The following BSDC1 variants were observed in gnomAD, a reference collection of about 807,000 sequenced individuals.
The protein encoded by BSDC1 is BSD domain-containing protein 1.
BSDC1 carries 29 observed loss-of-function variants against 56.0 expected under a neutral mutation model. That is an observed-to-expected ratio of 0.52 (90% CI 0.39 to 0.71). BSDC1 has a LOEUF of 0.71. Ranked by LOEUF, BSDC1 falls within the 30% of genes least tolerant of loss-of-function variation. BSDC1 has a pLI of 0.00. For synonymous variants in BSDC1, 210 were observed against 215.3 expected (o/e 0.98, Z 0.21); for missense variants, 477 against 548.5 (o/e 0.87, Z 1.30).
intron 4 of BSDC1, 48 bp downstream of exon 4, chr1:32,383,782 C>A: frequency 6.3e-7 from 1 of 1,582,702 alleles, no homozygotes; most frequent in Non-Finnish European, 8.7e-7. Context: ...AAGTTAAAGC[C>A]CAGGTTACAG....
chr1:32,389,717 C>T (rs1434335001), intron 2 of BSDC1, among the ~76,000 whole-genome samples: 3 of 151,826 alleles, frequency 2.0e-5, no homozygotes, highest in Admixed American at 2.0e-4. Context: ...CTTTGGGAAG[C>T]CGAGGCAGGA....
At chr1:32,366,956 C>T (rs1004445360) in intron 10 of BSDC1, 8 of 1,150,576 alleles carry the variant, frequency 7.0e-6, no homozygotes, top group Non-Finnish European at 5.3e-6. Context: ...AGCCTCAGTC[C>T]TTTAAGGAGA....
At chr1:32,377,836 C>T in intron 8 of BSDC1, 134 bp downstream of exon 8, 1 of 736,382 alleles carries the variant, frequency 1.4e-6, no homozygotes, top group Non-Finnish European at 2.1e-6. Flanking sequence ...CGCCTATCCT[C>T]ACACATACAA....
intron 9 of BSDC1, chr1:32,374,898 A>C (rs1642220677): frequency 1.3e-5 from 2 of 152,468 alleles, no homozygotes; most frequent in Non-Finnish European, 1.5e-5. Context: ...CACGCCTGTA[A>C]TCACAGCACT....
chr1:32,393,131 G>A (rs940072338), intron 2 of BSDC1, among the ~76,000 whole-genome samples: 2 of 152,170 alleles, frequency 1.3e-5, no homozygotes, highest in Non-Finnish European at 2.9e-5. Flanking sequence ...TCCTGGAGTT[G>A]GCCCTGAAGC....
chr1:32,375,399 ATG>A (rs2148118627), intron 9 of BSDC1, among the ~76,000 whole-genome samples: 1 of 134,132 alleles, frequency 7.5e-6, no homozygotes, highest in East Asian at 2.5e-4. Flanking sequence ...AGACAGGAGG[ATG>A]TGTGTGTGAA....
At chr1:32,373,734 C>T (rs1452884521) in intron 9 of BSDC1, among the ~76,000 whole-genome samples, 2 of 152,040 alleles carry the variant, frequency 1.3e-5, no homozygotes, top group Non-Finnish European at 2.9e-5. Flanking sequence ...AATGCCAGGG[C>T]TGGTCTTAAA....
In BSDC1 at chr1:32,378,934, A is replaced by C. The variant is rs987485877; in HGVS notation, c.413-95T>G. On this transcript the variant is annotated intron_variant, in intron 5 of 10. Coordinates refer to ENST00000455895, the MANE Select transcript of BSDC1 (RefSeq NM_018045.8). This position sits in a 1 kb window ranked among gnomAD's most constrained non-coding sequence, Gnocchi z 5.2. Reference sequence around the variant, plus strand: ...ATCTAAGGCTGGACATGGAAAATGAAGAAAGCTTGTGTATTCAAAGCCACT... The same window carrying C: ...ATCTAAGGCTGGACATGGAAAATGACGAAAGCTTGTGTATTCAAAGCCACT... 1.1e-6 allele frequency: 1 copy of C among 908,792 alleles called. No homozygotes were observed. Among genetic ancestry groups the C allele is most frequent in the Admixed American group, 3.9e-5 (1 of 25,950 alleles). The allele number at this position is 908,792 out of a possible 1,614,324, so 56.3% of individuals were successfully genotyped here.
chr1:32,379,582 T>C (rs1159629363), intron 5 of BSDC1, among the ~76,000 whole-genome samples: 2 of 152,168 alleles, frequency 1.3e-5, no homozygotes, highest in Non-Finnish European at 2.9e-5. Flanking sequence ...TGGATCACAC[T>C]TCCTCAGTGT....
At chr1:32,375,327 G>A (rs1252229031) in intron 9 of BSDC1, among the ~76,000 whole-genome samples, 1 of 151,994 alleles carries the variant, frequency 6.6e-6, no homozygotes, top group Non-Finnish European at 1.5e-5. Flanking sequence ...TACTACACCA[G>A]CAGGCCAGGC....
chr1:32,368,622 G>GGA (rs1217371457), intron 9 of BSDC1, 72 bp from the exon 10 acceptor site: 3 of 1,597,102 alleles, frequency 1.9e-6, no homozygotes, highest in Middle Eastern at 1.7e-4. Flanking sequence ...GTGTAGCTGG[G>GGA]GAGATAGCAT....
At chr1:32,368,836 C>T (rs537234665) in intron 9 of BSDC1, among the ~76,000 whole-genome samples, 1 of 152,042 alleles carries the variant, frequency 6.6e-6, no homozygotes, top group Admixed American at 6.6e-5. Context: ...GTAGCTGGGA[C>T]TACAGGCGCA....
At position 32,366,326 on chromosome 1, in the gene BSDC1, C is replaced by A; in HGVS notation, c.*296G>T. The A allele has an allele frequency of 1.7e-6, 1 of 605,666 alleles. No homozygotes were observed. Among genetic ancestry groups the A allele is most frequent in the East Asian group, 3.1e-5 (1 of 32,324 alleles). The allele number at this position is 605,666 out of a possible 1,614,324, so 37.5% of individuals were successfully genotyped here. A position where few individuals can be genotyped will look rare whatever the true frequency, so the allele number is the denominator to read the frequency against. The stretch of plus-strand genomic sequence containing the variant: ...ACTTCCCAGCAGGAGTCCTCAGGAA[C>A]AGTGGGTGTTCAGCAGAAAAACACA... On this transcript the variant is annotated 3_prime_UTR_variant, in exon 11 of 11. Transcript: ENST00000455895.
chr1:32,390,226 A>T (rs979375675), intron 2 of BSDC1, among the ~76,000 whole-genome samples: 7 of 152,184 alleles, frequency 4.6e-5, no homozygotes, highest in Non-Finnish European at 1.0e-4. Flanking sequence ...ACTGGAATGG[A>T]GGAAAGGTCC....
chr1:32,377,711 A>G (rs1044097799), intron 8 of BSDC1, among the ~76,000 whole-genome samples: 3 of 151,910 alleles, frequency 2.0e-5, no homozygotes, highest in East Asian at 3.9e-4. Context: ...CTCCCCAGTG[A>G]CTAAGCGGCA....
rs572855697 is a variant in BSDC1, at chr1:32,391,730, T to G, written c.72+2350A>C. Reference sequence around the variant, plus strand: ...CATAGCTGTGGTCTTCAGGGCAATGTGTTCTAAGGAGTGCTGAGAAGTGAG... The same window carrying G: ...CATAGCTGTGGTCTTCAGGGCAATGGGTTCTAAGGAGTGCTGAGAAGTGAG... On this transcript the variant is annotated intron_variant, in intron 2 of 10. Transcript: ENST00000455895. 1.1e-3 allele frequency among the ~76,000 whole-genome samples: 162 copies of G among 152,188 alleles called. 1 individual carries two copies. Among genetic ancestry groups the G allele is most frequent in the African/African-American group, 3.7e-3 (152 of 41,510 alleles).
intron 4 of BSDC1, 126 bp from the exon 5 acceptor site, chr1:32,381,394 G>T: frequency 1.1e-6 from 1 of 916,518 alleles, no homozygotes; most frequent in Non-Finnish European, 1.7e-6. Flanking sequence ...GATACCCCCA[G>T]GGCATCTGTT....
chr1:32,378,831 C>A lies in BSDC1; in HGVS notation c.421G>T (p.Glu141Ter). 1 of 1,519,192 alleles carries A rather than the reference C, an allele frequency of 6.6e-7. No individual in the cohort carries two copies. The highest frequency in any genetic ancestry group is 1.4e-5 in the African/African-American group (1 of 71,446). The allele number at this position is 1,519,192 out of a possible 1,614,324, so 94.1% of individuals were successfully genotyped here. The part of the protein sequence containing the change: ...TYCNEPDGPP[E>*]LFDAWLSQFC... ...TGGGAAAGCCAGGCGTCAAACAATT[C>A]CGGGGGCCCTGCAGAGGGACAGATG... Residue 141 changes from glutamate (E) to a stop codon, truncating the protein, a stop_gained, in exon 6 of 11, where the codon GAA becomes TAA. Coordinates refer to ENST00000455895, the MANE Select transcript of BSDC1 (RefSeq NM_018045.8). LOFTEE classifies it high-confidence loss of function. The surrounding 1 kb of genome is among the most constrained non-coding windows in gnomAD (Gnocchi z 5.2).
intron 5 of BSDC1, among the ~76,000 whole-genome samples, chr1:32,380,620 T>G (rs1308085731): frequency 6.6e-6 from 1 of 152,148 alleles, no homozygotes; most frequent in Admixed American, 6.5e-5. Context: ...CACTCCATCC[T>G]GGGAGACAGG....
Sources: gnomAD v4.1 joint callset for allele counts (sites outside exome capture counted in the v4.1 genomes callset) on GRCh38, gnomAD v4.1.1 for gene constraint, Gnocchi (gnomAD v3.1) non-coding constraint, MANE v1.5 for transcripts, NCBI Gene and HGNC (gene_info 2026-07-23, HGNC 2026-07-21) for gene names.